The following ITIH2 variants were observed in gnomAD, a reference collection of about 807,000 sequenced individuals.
ITIH2 encodes the protein inter-alpha-trypsin inhibitor heavy chain 2, also known as inter-alpha-trypsin inhibitor heavy chain H2.
In ITIH2, 103 loss-of-function variants were observed where a neutral mutation model predicts 104.4. That is an observed-to-expected ratio of 0.99 (90% CI 0.84 to 1.16). ITIH2 has a LOEUF of 1.16. Ranked by LOEUF, ITIH2 falls within the 50% of genes most tolerant of loss-of-function variation. The pLI, the probability that ITIH2 is intolerant of heterozygous loss-of-function variation, is 0.00. For missense variants in ITIH2, 1,108 were observed against 1,162.4 expected (o/e 0.95, Z 0.68); for synonymous variants, 436 against 435.4 (o/e 1.00, Z -0.02).
rs1423264539 is a variant in ITIH2 at position 7,709,205 on chromosome 10, G to A, written c.362+14G>A. ...CAACTTCTCCATGTGAGTAACTTCT[G>A]TGTAGAGCCAGAAATTGTAGGTGCT... On this transcript the variant is annotated intron_variant, in intron 4 of 20. Transcript: ENST00000358415. The A allele has an allele frequency of 2.5e-6, 4 of 1,612,406 alleles. No homozygotes were observed. The South Asian group carries it at 3.3e-5, about 13-fold the overall frequency.
chr10:7,741,667 C>A (rs1835126193), intron 16 of ITIH2, among the ~76,000 whole-genome samples: 1 of 152,200 alleles, frequency 6.6e-6, no homozygotes, highest in Non-Finnish European at 1.5e-5. Context: ...CCACCAACAA[C>A]TTTCCTAAAA....
rs1835216662 is a variant in ITIH2 at position 7,749,449 on chromosome 10, A to T, written c.*115A>T. The T allele has an allele frequency of 2.3e-6, 2 of 857,024 alleles. No individual in the cohort carries two copies. The highest frequency in any genetic ancestry group is 2.7e-5 in the East Asian group (1 of 37,562). 53.1% of individuals were successfully genotyped at this position (857,024 alleles called of 1,614,324 possible). On this transcript the variant is annotated 3_prime_UTR_variant, in exon 21 of 21. Coordinates refer to ENST00000358415, the MANE Select transcript of ITIH2 (RefSeq NM_002216.3). ...AACCAGATATCAGGGTGGTTAATTA[A>T]AATGAACCAGATATCAGGGTGGTTT...
chr10:7,747,533 A>G (rs886624656), intron 20 of ITIH2, among the ~76,000 whole-genome samples: 1 of 152,148 alleles, frequency 6.6e-6, no homozygotes, highest in African/African-American at 2.4e-5. Context: ...AGCATGTGTC[A>G]CAGAAGCAAT....
intron 5 of ITIH2, among the ~76,000 whole-genome samples, chr10:7,714,475 G>A (rs1050722636): frequency 6.6e-6 from 1 of 151,824 alleles, no homozygotes; most frequent in African/African-American, 2.4e-5. Flanking sequence ...CCTGGCCCAC[G>A]CTCACTATTA....
At chr10:7,724,526 C>T (rs527359035) in intron 9 of ITIH2, among the ~76,000 whole-genome samples, 206 of 140,836 alleles carry the variant, frequency 1.5e-3, no homozygotes, top group African/African-American at 5.3e-3. Context: ...GCAGAGATCG[C>T]GCCATTGCAC....
chr10:7,720,929 A>G lies in ITIH2; in HGVS notation c.704A>G (p.Asp235Gly). 6.2e-7 allele frequency: 1 copy of G among 1,613,660 alleles called. No individual in the cohort carries two copies. The highest frequency in any genetic ancestry group is 8.5e-7 in the Non-Finnish European group (1 of 1,179,598). ...HVPDTFEGHF[D>G]GVPVISKGQQ... ...CCCGACACATTTGAAGGCCATTTCG[A>G]TGGTGTTCCGGTCATTTCTAAAGGA... Residue 235 changes from aspartate (D) to glycine (G), a missense_variant, in exon 7 of 21, where the codon GAT (aspartate) becomes GGT (glycine). Transcript: ENST00000358415.
intron 5 of ITIH2, 133 bp from the exon 6 acceptor site, chr10:7,717,493 C>G: frequency 1.4e-6 from 1 of 737,848 alleles, no homozygotes; most frequent in Admixed American, 2.1e-5. Context: ...CTCTAGTGTA[C>G]CTACTGTTCA....
At chr10:7,726,867 C>A in intron 9 of ITIH2, 83 bp from the exon 10 acceptor site, 1 of 1,167,422 alleles carries the variant, frequency 8.6e-7, no homozygotes, top group Non-Finnish European at 1.2e-6. Flanking sequence ...GAAAGATGAC[C>A]AGGATCAATG....
intron 1 of ITIH2, among the ~76,000 whole-genome samples, chr10:7,704,114 A>G (rs576411435): frequency 6.6e-6 from 1 of 152,362 alleles, no homozygotes; most frequent in South Asian, 2.1e-4. Flanking sequence ...TCCCTTAGCC[A>G]TCTCCAATGT....
At chr10:7,719,779 A>AG (rs1186584948) in intron 6 of ITIH2, among the ~76,000 whole-genome samples, 3 of 147,702 alleles carry the variant, frequency 2.0e-5, no homozygotes, top group East Asian at 3.9e-4. Context: ...AAAAAAAAAA[A>AG]AAAAGAAAGA....
Position 7,734,911 on chromosome 10 carries a change from C to T in ITIH2, c.1788-11C>T, listed in dbSNP as rs1425786163. 6.8e-6 allele frequency: 11 copies of T among 1,606,466 alleles called. No homozygotes were observed. On this transcript the variant is annotated splice_polypyrimidine_tract_variant and intron_variant, in intron 14 of 20. Coordinates refer to ENST00000358415, the MANE Select transcript of ITIH2 (RefSeq NM_002216.3). ...GCCATGCTCCATAACACCTCTACTT[C>T]TTGAATACAGAAGCCTGGCTCCTAC...
rs1835005924 is a variant in ITIH2 at position 7,731,862 on chromosome 10, T to C, written c.1513T>C (p.Tyr505His). The change falls in exon 13 of 21, where the codon TAT becomes CAT. Residue 505 changes from tyrosine (Y) to histidine (H), a missense_variant. Transcript: ENST00000358415. ...TPLLRNVQFN[Y>H]PHTSVTDVTQ... ...ATTGCTCCGGAATGTTCAGTTCAAC[T>C]ATCCCCATACATCAGTCACGGACGT... The C allele has an allele frequency of 6.2e-7, 1 of 1,613,928 alleles. No individual in the cohort carries two copies. The highest frequency in any genetic ancestry group is 8.5e-7 in the Non-Finnish European group (1 of 1,179,776).
rs1834987736 is a variant in ITIH2, at chr10:7,730,110, C to T, written c.1438C>T (p.Gln480Ter). The stretch of plus-strand genomic sequence containing the variant: ...AATTGCACAAAGGATTTATGGAAAC[C>T]AGGACACGTCTTCCCAGCTTAAGGT... ...HGIAQRIYGN[Q>*]DTSSQLKKFY... The change falls in exon 12 of 21, where the codon CAG (glutamine) becomes TAG (stop). Residue 480 changes from glutamine (Q) to a stop codon, truncating the protein, a stop_gained. Coordinates refer to ENST00000358415, the MANE Select transcript of ITIH2 (RefSeq NM_002216.3). LOFTEE classifies it high-confidence loss of function. 6.2e-7 allele frequency: 1 copy of T among 1,600,330 alleles called. No homozygotes were observed. Among genetic ancestry groups the T allele is most frequent in the East Asian group, 2.2e-5 (1 of 44,790 alleles).
At chr10:7,726,377 T>A (rs1834951635) in intron 9 of ITIH2, among the ~76,000 whole-genome samples, 1 of 152,194 alleles carries the variant, frequency 6.6e-6, no homozygotes, top group African/African-American at 2.4e-5. Flanking sequence ...AAATAGTTCA[T>A]GAATAGATGG....
intron 4 of ITIH2, among the ~76,000 whole-genome samples, chr10:7,712,806 G>A (rs1486980921): frequency 3.9e-5 from 6 of 152,066 alleles, no homozygotes; most frequent in Non-Finnish European, 5.9e-5. Context: ...TTGTTTGCTC[G>A]CTCTTGTTTG....
chr10:7,707,973 A>T (rs573125528), intron 3 of ITIH2, among the ~76,000 whole-genome samples: 1 of 152,362 alleles, frequency 6.6e-6, no homozygotes, highest in South Asian at 2.1e-4. Flanking sequence ...TGTTCAGAGT[A>T]GACCATCCTG....
Position 7,713,295 on chromosome 10 carries a change from G to C in ITIH2, c.467+10G>C. On this transcript the variant is annotated intron_variant, in intron 5 of 20. Transcript: ENST00000358415. ...CGGCTGGCTTGGTGAGGTAAGGCCT[G>C]AGTGAGCAAGGCTTGCCCTTGCCTC... The C allele has an allele frequency of 6.2e-7, 1 of 1,600,348 alleles. No individual in the cohort carries two copies. Among genetic ancestry groups the C allele is most frequent in the South Asian group, 1.1e-5 (1 of 90,578 alleles).
chr10:7,703,960 A>G (rs1834721490), intron 1 of ITIH2, among the ~76,000 whole-genome samples: 2 of 152,228 alleles, frequency 1.3e-5, no homozygotes, highest in Non-Finnish European at 2.9e-5. Context: ...AAAAGTCATT[A>G]TCAAAGCACA....
chr10:7,725,055 C>T lies in ITIH2; in HGVS notation c.984+1488C>T, dbSNP rs192262845. Among the ~76,000 whole-genome samples the T allele has an allele frequency of 1.9e-3, 288 of 151,950 alleles. 1 individual carries two copies. The highest frequency in any genetic ancestry group is 6.7e-3 in the African/African-American group (276 of 41,382). On this transcript the variant is annotated intron_variant, in intron 9 of 20. Coordinates refer to ENST00000358415, the MANE Select transcript of ITIH2 (RefSeq NM_002216.3). ...AACCAAACAAAAAACAGAAAAAAAA[C>T]GGATGCCTACCCTCTGTGTGCTTAT...
Sources: gnomAD v4.1 joint callset for allele counts (sites outside exome capture counted in the v4.1 genomes callset) on GRCh38, gnomAD v4.1.1 for gene constraint, MANE v1.5 for transcripts, NCBI Gene and HGNC (gene_info 2026-07-23, HGNC 2026-07-21) for gene names.